The following LAMB1 variants were observed in gnomAD, a reference collection of about 807,000 sequenced individuals.
The protein encoded by LAMB1 is laminin subunit beta-1.
LAMB1 carries 121 observed loss-of-function variants against 222.3 expected under a neutral mutation model. The ratio of observed to expected loss-of-function variants is 0.54; its 90% CI spans 0.47 to 0.63. LAMB1 has a LOEUF of 0.63. Among genes scored for constraint, LAMB1 ranks in the 30% least tolerant of loss-of-function variants. The pLI is 0.00. For missense variants in LAMB1, 2,172 were observed against 2,240.8 expected, an observed-to-expected ratio of 0.97 and a Z score of 0.62; for synonymous variants, 794 against 807.2, an observed-to-expected ratio of 0.98 and a Z score of 0.28.
At chr7:107,988,477 G>C (rs543861395) in intron 5 of LAMB1, among the ~76,000 whole-genome samples, 51 of 152,298 alleles carry the variant, frequency 3.3e-4, no homozygotes, top group Non-Finnish European at 4.4e-4. Context: ...GTAAGATAAA[G>C]AGAGCCTAAG....
intron 7 of LAMB1, among the ~76,000 whole-genome samples, chr7:107,984,091 C>A (rs1252326298): frequency 1.3e-5 from 2 of 152,104 alleles, no homozygotes; most frequent in Non-Finnish European, 2.9e-5. Context: ...AGTATTCTTT[C>A]TTCCCTTGTT....
chr7:107,952,111 G>A lies in LAMB1; in HGVS notation c.3192C>T (p.Asn1064=), dbSNP rs1412094878. 1.2e-6 allele frequency: 2 copies of A among 1,613,976 alleles called. No homozygotes were observed. The highest frequency in any genetic ancestry group is 1.7e-6 in the Non-Finnish European group (2 of 1,179,988). ...CLCLPNVIGQ[N]CDRCAPNTWQ... The stretch of plus-strand genomic sequence containing the variant: ...AGGTATTGGGCGCACAGCGGTCACA[G>A]TTCTGCCCGATCACATTAGGAAGAC... Residue 1064 remains asparagine, a synonymous_variant, in exon 23 of 34, where the codon AAC becomes AAT. Coordinates refer to ENST00000222399, the MANE Select transcript of LAMB1 (RefSeq NM_002291.3).
intron 24 of LAMB1, among the ~76,000 whole-genome samples, chr7:107,945,059 T>C (rs1447741094): frequency 2.0e-5 from 3 of 152,236 alleles, no homozygotes; most frequent in Non-Finnish European, 4.4e-5. Flanking sequence ...ATCTTTAAGA[T>C]GAACAAATCA....
intron 12 of LAMB1, among the ~76,000 whole-genome samples, 178 bp from the exon 13 acceptor site, chr7:107,973,249 A>T (rs2033785146): frequency 6.6e-6 from 1 of 152,268 alleles, no homozygotes; most frequent in Non-Finnish European, 1.5e-5. Flanking sequence ...AGCTGTAGGC[A>T]CTGGCGTAAG....
intron 32 of LAMB1, among the ~76,000 whole-genome samples, chr7:107,925,295 G>C (rs1322516140): frequency 6.6e-6 from 1 of 152,146 alleles, no homozygotes; most frequent in Non-Finnish European, 1.5e-5. Flanking sequence ...TGGGTGGGCA[G>C]GCAAGTATTA....
intron 5 of LAMB1, among the ~76,000 whole-genome samples, chr7:107,988,030 A>G: frequency 6.6e-6 from 1 of 152,256 alleles, no homozygotes; most frequent in East Asian, 1.9e-4. Context: ...ATGATACAAA[A>G]CACAGGAAAA....
At chr7:107,946,411 G>C (rs967035648) in intron 24 of LAMB1, among the ~76,000 whole-genome samples, 2 of 152,204 alleles carry the variant, frequency 1.3e-5, no homozygotes, top group African/African-American at 4.8e-5. Context: ...TAGCACAGGG[G>C]TCATCAAGTT....
intron 23 of LAMB1, 148 bp downstream of exon 23, chr7:107,951,861 C>G: frequency 1.5e-6 from 1 of 669,182 alleles, no homozygotes; most frequent in Non-Finnish European, 2.6e-6. Flanking sequence ...TTATGTAGAC[C>G]CAGCCAAGGG....
rs373821727 is a variant in LAMB1 at position 107,935,409 on chromosome 7, C to T, written c.4188+6G>A. ...ATAGCAGTAAGGCCACATCCCCAAACCTTACCATTTCGGCAGCGGCTGAAA... is the reference window on the plus strand; with the variant it reads ...ATAGCAGTAAGGCCACATCCCCAAATCTTACCATTTCGGCAGCGGCTGAAA... On this transcript the variant is annotated splice_donor_region_variant and intron_variant, in intron 27 of 33. Coordinates refer to ENST00000222399, the MANE Select transcript of LAMB1 (RefSeq NM_002291.3). The T allele has an allele frequency of 4.5e-5, 64 of 1,431,586 alleles. No individual in the cohort carries two copies. The African/African-American group carries it at 7.7e-4, about 17-fold the overall frequency. 88.7% of individuals were successfully genotyped at this position (1,431,586 alleles called of 1,614,324 possible). A position where few individuals can be genotyped will look rare whatever the true frequency, so the allele number is the denominator to read the frequency against.
chr7:107,937,047 T>G (rs1271654855), intron 26 of LAMB1, 46 bp downstream of exon 26: 1 of 1,485,612 alleles, frequency 6.7e-7, no homozygotes, highest in African/African-American at 1.4e-5. Flanking sequence ...GTTAGACATA[T>G]CGTTAAATCC....
chr7:107,934,097 C>A (rs1188230614), intron 27 of LAMB1, among the ~76,000 whole-genome samples: 1 of 152,138 alleles, frequency 6.6e-6, no homozygotes, highest in Non-Finnish European at 1.5e-5. Flanking sequence ...CTGCAATTTA[C>A]ACATTGCTCT....
intron 7 of LAMB1, among the ~76,000 whole-genome samples, chr7:107,981,806 C>A (rs1323265900): frequency 6.6e-6 from 1 of 152,140 alleles, no homozygotes; most frequent in Non-Finnish European, 1.5e-5. Context: ...ACATTTTTGT[C>A]TCTATTTTTG....
In LAMB1 at chr7:107,929,064, C is replaced by G; in HGVS notation, c.4887G>C (p.Ser1629=). The G allele has an allele frequency of 6.2e-7, 1 of 1,613,558 alleles. No individual in the cohort carries two copies. Among genetic ancestry groups the G allele is most frequent in the Non-Finnish European group, 8.5e-7 (1 of 1,179,786 alleles). Residue 1629 remains serine, a splice_region_variant and synonymous_variant, in exon 31 of 34, where the codon TCG becomes TCC. Transcript: ENST00000222399. Reference sequence around the variant, plus strand: ...TCATGTAATGATTGTGTATGCCTACCGAAGTTAACAGGTTCTGGGTTCCTT... The same window carrying G: ...TCATGTAATGATTGTGTATGCCTACGGAAGTTAACAGGTTCTGGGTTCCTT... The part of the protein sequence containing the change: ...DIQGTQNLLT[S]IESETAASEE...
intron 3 of LAMB1, among the ~76,000 whole-genome samples, chr7:107,999,500 G>A (rs1363748841): frequency 6.6e-6 from 1 of 152,096 alleles, no homozygotes; most frequent in East Asian, 1.9e-4. Flanking sequence ...CTTTTACGTT[G>A]TATTTCACAT....
At chr7:107,927,472 A>G (rs534323737) in intron 31 of LAMB1, among the ~76,000 whole-genome samples, 54 of 152,280 alleles carry the variant, frequency 3.5e-4, no homozygotes, top group African/African-American at 1.2e-3. Flanking sequence ...GGGTCTTGCT[A>G]TATTTCCCAG....
At position 107,975,787 on chromosome 7, in the gene LAMB1, T is replaced by C. The variant is rs1562999350; in HGVS notation, c.1091A>G (p.Asp364Gly). 16 of 1,613,986 alleles carry C rather than the reference T, an allele frequency of 9.9e-6. No individual in the cohort carries two copies. The East Asian group carries it at 3.6e-4, about 36-fold the overall frequency. ...GCGCCCCATGGTGTTGTGCTGACAG[T>C]CATCACACACGCCTCCGCTGACGTT... ...TGNVSGGVCDDCQHNTMGRNC... is the reference protein window; with the variant it reads ...TGNVSGGVCDGCQHNTMGRNC... Residue 364 changes from aspartate to glycine, a missense_variant, in exon 10 of 34, where the codon GAC (aspartate) becomes GGC (glycine). Physicochemically the swap from Asp to Gly is moderately conservative, Grantham distance 94. Coordinates refer to ENST00000222399, the MANE Select transcript of LAMB1 (RefSeq NM_002291.3).
At chr7:107,926,825 G>A (rs1198050778) in intron 31 of LAMB1, among the ~76,000 whole-genome samples, 3 of 152,140 alleles carry the variant, frequency 2.0e-5, no homozygotes, top group African/African-American at 4.8e-5. Flanking sequence ...TGAAGACATG[G>A]AGACTAGGGA....
Position 107,972,587 on chromosome 7 carries a change from C to CAA in LAMB1, c.1562+403_1562+404dup, listed in dbSNP as rs60255621. On this transcript the variant is annotated intron_variant, in intron 13 of 33. Coordinates refer to ENST00000222399, the MANE Select transcript of LAMB1 (RefSeq NM_002291.3). The stretch of plus-strand genomic sequence containing the variant: ...TTTTCATTAATGGACTTGGAAGTCA[C>CAA]AAAAAAAAAAAAGAAAAAAAGAAAA... Among the ~76,000 whole-genome samples, 223 of 132,740 alleles carry CAA rather than the reference C, an allele frequency of 1.7e-3. 1 individual carries two copies. Among genetic ancestry groups the CAA allele is most frequent in the African/African-American group, 6.0e-3 (213 of 35,616 alleles). 87.1% of individuals were successfully genotyped at this position (132,740 alleles called of 152,430 possible). A position where few individuals can be genotyped will look rare whatever the true frequency, so the allele number is the denominator to read the frequency against.
intron 7 of LAMB1, among the ~76,000 whole-genome samples, chr7:107,982,874 T>C (rs777909912): frequency 1.3e-5 from 2 of 152,120 alleles, no homozygotes; most frequent in Non-Finnish European, 2.9e-5. Flanking sequence ...TTCCGTAACA[T>C]AGAAAAAGAT....
Sources: allele counts gnomAD v4.1 joint callset (sites outside exome capture counted in the v4.1 genomes callset), GRCh38; gene constraint gnomAD v4.1.1; transcripts MANE v1.5; gene names NCBI Gene and HGNC (gene_info 2026-07-23, HGNC 2026-07-21).